Variants in DAGLB observed in about 807,000 individuals in gnomAD.
DAGLB encodes the protein diacylglycerol lipase beta.
A neutral mutation model predicts 72.1 loss-of-function variants in DAGLB; 66 were observed. That is an observed-to-expected ratio of 0.92 (90% confidence interval 0.75 to 1.12). The LOEUF is 1.12. Ranked by LOEUF, DAGLB falls within the 50% of genes most tolerant of loss-of-function variation. The pLI is 0.00. For synonymous variants in DAGLB, 414 were observed against 359.5 expected (o/e 1.15, Z -1.71); for missense variants, 1,065 against 884.9 (o/e 1.20, Z -2.58).
chr7:6,428,449 G>A (rs1784380399), intron 6 of DAGLB, among the ~76,000 whole-genome samples: 1 of 151,400 alleles, frequency 6.6e-6, no homozygotes, highest in African/African-American at 2.4e-5. Flanking sequence ...AGAGGGATAG[G>A]ACATTTACTT....
Position 6,416,900 on chromosome 7 carries a change from A to G in DAGLB, c.1240T>C (p.Tyr414His). Residue 414 changes from tyrosine (Y) to histidine (H), a missense_variant, in exon 10 of 15, where the codon TAC becomes CAC. Physicochemically the swap from Tyr to His is moderately conservative, Grantham distance 83 (BLOSUM62 2). Coordinates refer to ENST00000297056, the MANE Select transcript of DAGLB (RefSeq NM_139179.4). ...TCGTTGATGAGTCGTTGGTAAACGT[A>G]TCTGGCAGCTTGAGAAATACCCTAA... ...AHKGISQAAR[Y>H]VYQRLINDGI... The G allele has an allele frequency of 6.2e-7, 1 of 1,614,224 alleles. No individual in the cohort carries two copies. The highest frequency in any genetic ancestry group is 8.5e-7 in the Non-Finnish European group (1 of 1,180,040).
Position 6,447,909 on chromosome 7 carries a change from C to T in DAGLB, c.-67G>A, listed in dbSNP as rs567260051. On this transcript the variant is annotated 5_prime_UTR_variant, in exon 1 of 15. It adds an upstream start codon to the 5' untranslated region. Transcript: ENST00000297056. ...GCCGTTCACCGAGAACAAACCAGCA[C>T]CCTCCGGACGCCGCCACCAAATTAT... The T allele has an allele frequency of 4.3e-5, 65 of 1,494,702 alleles. No homozygotes were observed. In the African/African-American group the frequency reaches 7.8e-4, roughly 18 times the overall value. The allele number at this position is 1,494,702 out of a possible 1,614,324, so 92.6% of individuals were successfully genotyped here.
intron 6 of DAGLB, among the ~76,000 whole-genome samples, chr7:6,426,532 A>T (rs1182337636): frequency 1.3e-5 from 2 of 152,214 alleles, no homozygotes; most frequent in Admixed American, 1.3e-4. Context: ...GGCCTCCCAA[A>T]GTGCTGGGAT....
intron 2 of DAGLB, among the ~76,000 whole-genome samples, chr7:6,445,117 T>C (rs1402511630): frequency 1.3e-5 from 2 of 152,200 alleles, no homozygotes; most frequent in African/African-American, 4.8e-5. Context: ...GATCCAGCAA[T>C]TCACTCCTAG....
chr7:6,430,170 A>G (rs1034488995), intron 6 of DAGLB, among the ~76,000 whole-genome samples: 1 of 150,118 alleles, frequency 6.7e-6, no homozygotes, highest in Non-Finnish European at 1.5e-5. Flanking sequence ...ACGCCACTGC[A>G]CTCCAGCCTG....
Position 6,441,619 on chromosome 7 carries a change from G to GTCAGGA in DAGLB, c.247+4333_247+4334insTCCTGA, listed in dbSNP as rs1284762224. ...TTTTTAGAAGAGACGGGGTTTCACCGTGTTAGTCAGGATGGTCTTGATCTC... is the reference window on the plus strand; with the variant it reads ...TTTTTAGAAGAGACGGGGTTTCACCGTCAGGATGTTAGTCAGGATGGTCTTGATCTC... On this transcript the variant is annotated intron_variant, in intron 2 of 14. Coordinates refer to ENST00000297056, the MANE Select transcript of DAGLB (RefSeq NM_139179.4). 2.5e-3 allele frequency among the ~76,000 whole-genome samples: 351 copies of GTCAGGA among 140,356 alleles called. 1 individual carries two copies. The highest frequency in any genetic ancestry group is 8.9e-3 in the African/African-American group (334 of 37,580). The allele number at this position is 140,356 out of a possible 152,430, so 92.1% of individuals were successfully genotyped here. A position where few individuals can be genotyped will look rare whatever the true frequency, so the allele number is the denominator to read the frequency against.
At chr7:6,437,198 AATT>A (rs57572885) in intron 2 of DAGLB, among the ~76,000 whole-genome samples, 40 of 150,596 alleles carry the variant, frequency 2.7e-4, no homozygotes, top group African/African-American at 9.0e-4. Context: ...TAATAGTAAT[AATT>A]ATGCTGAGAC....
At chr7:6,446,167 G>A in intron 1 of DAGLB, 63 bp from the exon 2 acceptor site, 2 of 1,512,362 alleles carry the variant, frequency 1.3e-6, no homozygotes, top group Admixed American at 2.3e-5. Flanking sequence ...TGTAGAACAT[G>A]ATACAAAGAA....
At chr7:6,423,106 G>C (rs1473512739) in intron 8 of DAGLB, among the ~76,000 whole-genome samples, 1 of 152,136 alleles carries the variant, frequency 6.6e-6, no homozygotes, top group African/African-American at 2.4e-5. Context: ...GAAAAAATTA[G>C]CTGGGTGTAG....
At chr7:6,426,237 T>C (rs1562483603) in intron 6 of DAGLB, 123 bp from the exon 7 acceptor site, 4 of 1,395,752 alleles carry the variant, frequency 2.9e-6, no homozygotes, top group Non-Finnish European at 2.9e-6. Flanking sequence ...GGACTTAGCC[T>C]GGCTGACATG....
rs184776111 is a variant in DAGLB, at chr7:6,416,519, G to C, written c.1427+108C>G. On this transcript the variant is annotated intron_variant, in intron 11 of 14. Coordinates refer to ENST00000297056, the MANE Select transcript of DAGLB (RefSeq NM_139179.4). ...GATCACGCCACTGCACTCCAGCCTG[G>C]GCGACAGAGCAAGACTTCATCTCAG... 5.9e-5 allele frequency: 88 copies of C among 1,484,550 alleles called. 1 individual carries two copies. The Middle Eastern group carries it at 1.0e-3, about 17-fold the overall frequency. The allele number at this position is 1,484,550 out of a possible 1,614,324, so 92.0% of individuals were successfully genotyped here.
chr7:6,409,594 C>A lies in DAGLB; in HGVS notation c.*243G>T. The A allele has an allele frequency of 1.8e-6, 1 of 560,018 alleles. No individual in the cohort carries two copies. Among genetic ancestry groups the A allele is most frequent in the Non-Finnish European group, 3.2e-6 (1 of 315,056 alleles). The allele number at this position is 560,018 out of a possible 1,614,324, so 34.7% of individuals were successfully genotyped here. A position where few individuals can be genotyped will look rare whatever the true frequency, so the allele number is the denominator to read the frequency against. Reference sequence around the variant, plus strand: ...GGGCCAGGGCTTCCCGAGGCTGTCTCCACGGTCGCTGGGTCTCAGGAGTCG... The same window carrying A: ...GGGCCAGGGCTTCCCGAGGCTGTCTACACGGTCGCTGGGTCTCAGGAGTCG... On this transcript the variant is annotated 3_prime_UTR_variant, in exon 15 of 15. Transcript: ENST00000297056.
chr7:6,446,152 T>C, intron 1 of DAGLB, 48 bp from the exon 2 acceptor site: 1 of 1,565,738 alleles, frequency 6.4e-7, no homozygotes, highest in Non-Finnish European at 8.6e-7. Context: ...TCCAAGGAGC[T>C]GCTGTGTAGA....
At chr7:6,425,610 C>T (rs572060401) in intron 7 of DAGLB, among the ~76,000 whole-genome samples, 5 of 152,210 alleles carry the variant, frequency 3.3e-5, no homozygotes, top group African/African-American at 1.2e-4. Context: ...TGACAGTGAC[C>T]CCCCCAGAGT....
intron 5 of DAGLB, among the ~76,000 whole-genome samples, chr7:6,432,611 G>A (rs1264237720): frequency 2.1e-5 from 3 of 143,098 alleles, no homozygotes; most frequent in Non-Finnish European, 3.0e-5. Flanking sequence ...AGTAAGCCGC[G>A]ATTGTGCCAC....
chr7:6,415,796 G>A, intron 11 of DAGLB, among the ~76,000 whole-genome samples: 1 of 148,976 alleles, frequency 6.7e-6, no homozygotes, highest in East Asian at 2.0e-4. Context: ...AGTGAGCCGA[G>A]ATCACGCCAC....
intron 9 of DAGLB, among the ~76,000 whole-genome samples, chr7:6,421,023 C>G (rs1323894190): frequency 6.6e-6 from 1 of 152,172 alleles, no homozygotes; most frequent in African/African-American, 2.4e-5. Flanking sequence ...AATTCAGAGG[C>G]TGGGTGTGGT....
In DAGLB at chr7:6,446,011, C is replaced by G. The variant is rs1435326736; in HGVS notation, c.189G>C (p.Met63Ile). 1 of 1,613,514 alleles carries G rather than the reference C, an allele frequency of 6.2e-7. No individual in the cohort carries two copies. The highest frequency in any genetic ancestry group is 8.5e-7 in the Non-Finnish European group (1 of 1,179,888). The change falls in exon 2 of 15, where the codon ATG becomes ATC. Residue 63 changes from methionine to isoleucine, a missense_variant. Transcript: ENST00000297056. ...TACATATGACAACTGCCAGGAGAAT[C>G]ATGAGGACGATCAAGTAACTGCTGA... ...ALLSSYLIVL[M>I]ILLAVVICTV...
In DAGLB at chr7:6,409,563, ATCCACGGGCCAGGGCTTCCCGAGGCTGTC is replaced by A. The variant is rs1419449717; in HGVS notation, c.*245_*273del. 5.9e-6 allele frequency: 3 copies of A among 508,156 alleles called. No homozygotes were observed. The highest frequency in any genetic ancestry group is 3.5e-5 in the Admixed American group (1 of 28,726). The allele number at this position is 508,156 out of a possible 1,614,324, so 31.5% of individuals were successfully genotyped here. A position where few individuals can be genotyped will look rare whatever the true frequency, so the allele number is the denominator to read the frequency against. ...CAGTCCTCAGACAGCCAAGGGATCC[ATCCACGGGCCAGGGCTTCCCGAGGCTGTC>A]TCCACGGTCGCTGGGTCTCAGGAGT... On this transcript the variant is annotated 3_prime_UTR_variant, in exon 15 of 15. Coordinates refer to ENST00000297056, the MANE Select transcript of DAGLB (RefSeq NM_139179.4).
Sources: gnomAD v4.1 joint callset for allele counts (sites outside exome capture counted in the v4.1 genomes callset) on GRCh38, gnomAD v4.1.1 for gene constraint, MANE v1.5 for transcripts, NCBI Gene and HGNC (gene_info 2026-07-23, HGNC 2026-07-21) for gene names.